The following CUBN variants were observed in gnomAD, a reference collection of about 807,000 sequenced individuals.
CUBN encodes the protein cubilin.
CUBN carries 282 observed loss-of-function variants against 405.3 expected under a neutral mutation model. The observed-to-expected ratio is 0.70, with a 90% CI of 0.63 to 0.77. The LOEUF is 0.77. CUBN is among the 30% of genes least tolerant of loss of function. The probability of loss-of-function intolerance (pLI) is 0.00; values close to 1 mark genes in which losing one functional copy is unlikely to be tolerated. For synonymous variants in CUBN, 1,684 were observed against 1,617.0 expected (o/e 1.04, Z -0.99); for missense variants, 4,514 against 4,475.2 (o/e 1.01, Z -0.25).
At chr10:16,917,456 A>G (rs1841914676) in intron 45 of CUBN, among the ~76,000 whole-genome samples, 1 of 152,148 alleles carries the variant, frequency 6.6e-6, no homozygotes, top group Admixed American at 6.5e-5. Context: ...AAAATAGAAG[A>G]ATCATAATAG....
chr10:16,904,105 A>G lies in CUBN; in HGVS notation c.7923T>C (p.Asp2641=). Residue 2641 remains aspartate, a synonymous_variant, in exon 51 of 67, where the codon GAT becomes GAC. Coordinates refer to ENST00000377833, the MANE Select transcript of CUBN (RefSeq NM_001081.4). ...DVLEFRVGDA[D]GPLMWRLCGP... ...CACAAAGTCTCCACATCAGGGGCCC[A>G]TCAGCATCACCTGAACAAAATAATA... 6.2e-7 allele frequency: 1 copy of G among 1,613,896 alleles called. No homozygotes were observed. The highest frequency in any genetic ancestry group is 8.5e-7 in the Non-Finnish European group (1 of 1,179,794).
intron 21 of CUBN, among the ~76,000 whole-genome samples, chr10:17,066,833 C>T (rs1835621940): frequency 6.6e-6 from 1 of 151,964 alleles, no homozygotes; most frequent in Non-Finnish European, 1.5e-5. Context: ...CCATTTCCAA[C>T]AGAAATGTAA....
Position 16,954,471 on chromosome 10 carries a change from G to A in CUBN, c.4773C>T (p.Val1591=), listed in dbSNP as rs368529044. The A allele has an allele frequency of 1.1e-5, 17 of 1,614,114 alleles. No homozygotes were observed. The highest frequency in any genetic ancestry group is 1.4e-5 in the Non-Finnish European group (17 of 1,180,032). The part of the protein sequence containing the change: ...CGREQLANPI[V]SSGNSLFLRF... ...TCAAGAAGAGGCTGTTTCCTGAGGA[G>A]ACGATGGGGTTAGCCAGCTGCTCCC... The change falls in exon 32 of 67, where the codon GTC becomes GTT. Residue 1591 remains valine, a synonymous_variant. Coordinates refer to ENST00000377833, the MANE Select transcript of CUBN (RefSeq NM_001081.4).
intron 40 of CUBN, 118 bp from the exon 41 acceptor site, chr10:16,928,421 G>T: frequency 9.5e-7 from 1 of 1,050,184 alleles, no homozygotes; most frequent in Non-Finnish European, 1.4e-6. Flanking sequence ...ACTCGTAGGA[G>T]ATAATGGGAT....
chr10:17,014,418 G>A (rs4622153), intron 28 of CUBN, among the ~76,000 whole-genome samples: 3 of 151,954 alleles, frequency 2.0e-5, no homozygotes, highest in Admixed American at 2.0e-4. Flanking sequence ...TCCTTGATTA[G>A]AGTATAGAGG....
At chr10:16,893,881 G>A (rs1172692510) in intron 54 of CUBN, among the ~76,000 whole-genome samples, 1 of 152,132 alleles carries the variant, frequency 6.6e-6, no homozygotes, top group Non-Finnish European at 1.5e-5. Flanking sequence ...TAAATGCCCA[G>A]AGTGCAATTG....
chr10:16,837,947 A>G lies in CUBN; in HGVS notation c.10033-1565T>C, dbSNP rs111955530. ...CATTCTGTGCCCCGCTGAGTGGTCC[A>G]CCCTGATCCCCATTGTCTTAGCTTC... On this transcript the variant is annotated intron_variant, in intron 62 of 66. Coordinates refer to ENST00000377833, the MANE Select transcript of CUBN (RefSeq NM_001081.4). 4.2e-3 allele frequency among the ~76,000 whole-genome samples: 638 copies of G among 152,190 alleles called. 7 individuals carry two copies. The highest frequency in any genetic ancestry group is 0.014 in the African/African-American group (601 of 41,520).
At chr10:16,863,556 C>A (rs1338959271) in intron 59 of CUBN, among the ~76,000 whole-genome samples, 1 of 151,662 alleles carries the variant, frequency 6.6e-6, no homozygotes, top group Non-Finnish European at 1.5e-5. Flanking sequence ...TACCTAGAGA[C>A]ATATACATAT....
intron 31 of CUBN, among the ~76,000 whole-genome samples, chr10:16,982,102 C>T (rs1588547705): frequency 6.6e-6 from 1 of 152,176 alleles, no homozygotes; most frequent in East Asian, 1.9e-4. Context: ...ATTTGCTTTC[C>T]TTATTAAAAG....
chr10:16,938,451 C>T (rs1186337935), intron 38 of CUBN, among the ~76,000 whole-genome samples: 2 of 152,228 alleles, frequency 1.3e-5, no homozygotes, highest in East Asian at 3.9e-4. Context: ...CATTCCCATA[C>T]ATATTGGGCA....
chr10:16,888,408 T>A lies in CUBN; in HGVS notation c.8905+9A>T. The A allele has an allele frequency of 6.2e-7, 1 of 1,609,792 alleles. No individual in the cohort carries two copies. ...ATTAAACGTAATTTTTTTAAAAGAA[T>A]AAACTTACCTTCTAAGTGGAAGGAC... On this transcript the variant is annotated intron_variant, in intron 56 of 66. Coordinates refer to ENST00000377833, the MANE Select transcript of CUBN (RefSeq NM_001081.4).
chr10:17,055,300 G>A (rs1315654233), intron 22 of CUBN, among the ~76,000 whole-genome samples: 3 of 152,040 alleles, frequency 2.0e-5, no homozygotes, highest in African/African-American at 7.2e-5. Context: ...AAAATCCAAA[G>A]CTAACATCAT....
rs201056237 is a variant in CUBN, at chr10:16,954,473, C to A, written c.4771G>T (p.Val1591Phe). Residue 1591 changes from valine (V) to phenylalanine (F), a missense_variant, in exon 32 of 67, where the codon GTC becomes TTC. Physicochemically the swap from Val to Phe is conservative, Grantham distance 50. Transcript: ENST00000377833. ...CGREQLANPI[V>F]SSGNSLFLRF... ...AAGAAGAGGCTGTTTCCTGAGGAGA[C>A]GATGGGGTTAGCCAGCTGCTCCCTT... 34 of 1,614,022 alleles carry A rather than the reference C, an allele frequency of 2.1e-5. No homozygotes were observed. The highest frequency in any genetic ancestry group is 2.8e-5 in the Non-Finnish European group (33 of 1,180,016).
chr10:17,126,639 G>A, intron 4 of CUBN, 122 bp downstream of exon 4: 2 of 1,063,974 alleles, frequency 1.9e-6, no homozygotes, highest in African/African-American at 1.6e-5. Flanking sequence ...ATTAAATTAT[G>A]GGAAAAAGCA....
At chr10:16,942,618 G>A (rs920328033) in intron 36 of CUBN, among the ~76,000 whole-genome samples, 1 of 152,086 alleles carries the variant, frequency 6.6e-6, no homozygotes, top group Non-Finnish European at 1.5e-5. Context: ...GAACTCTTAC[G>A]CATTACTAAC....
At chr10:16,961,914 G>A (rs896608662) in intron 31 of CUBN, among the ~76,000 whole-genome samples, 12 of 151,898 alleles carry the variant, frequency 7.9e-5, no homozygotes, top group East Asian at 1.9e-4. Context: ...AGGTTTCACC[G>A]TGTTAGCCAG....
chr10:16,891,995 G>T (rs189007660), intron 54 of CUBN, among the ~76,000 whole-genome samples: 1 of 152,164 alleles, frequency 6.6e-6, no homozygotes, highest in Non-Finnish European at 1.5e-5. Context: ...TTCTTCACAT[G>T]GAATGATACC....
At chr10:16,970,458 C>A (rs1280965903) in intron 31 of CUBN, among the ~76,000 whole-genome samples, 1 of 152,050 alleles carries the variant, frequency 6.6e-6, no homozygotes, top group Non-Finnish European at 1.5e-5. Context: ...TGCCTGTAAT[C>A]CCAGCTACTT....
intron 27 of CUBN, among the ~76,000 whole-genome samples, chr10:17,031,677 C>G (rs1834792296): frequency 6.6e-6 from 1 of 152,190 alleles, no homozygotes; most frequent in Non-Finnish European, 1.5e-5. Flanking sequence ...TAGAAGAGTG[C>G]TGGCTGAGGC....
Sources: gnomAD v4.1 joint callset for allele counts (sites outside exome capture counted in the v4.1 genomes callset) on GRCh38, gnomAD v4.1.1 for gene constraint, MANE v1.5 for transcripts, NCBI Gene and HGNC (gene_info 2026-07-23, HGNC 2026-07-21) for gene names.